LRP1B: variants seen among roughly 807,000 people sequenced by gnomAD.
LRP1B encodes LDL receptor related protein 1B, also known as low-density lipoprotein receptor-related protein 1B.
In LRP1B, 217 loss-of-function variants were observed where a neutral mutation model predicts 556.6. That is an observed-to-expected ratio of 0.39 (90% CI 0.35 to 0.44). The LOEUF is 0.44. Among genes scored for constraint, LRP1B ranks in the 20% least tolerant of loss-of-function variants. The probability of loss-of-function intolerance (pLI) is 1.00; values close to 1 mark genes in which losing one functional copy is unlikely to be tolerated. For missense variants in LRP1B, 5,053 were observed against 5,620.8 expected, an observed-to-expected ratio of 0.90 and a Z score of 3.23; for synonymous variants, 2,047 against 1,865.8, an observed-to-expected ratio of 1.10 and a Z score of -2.50.
chr2:140,359,679 T>A (rs1032888955), intron 72 of LRP1B, among the ~76,000 whole-genome samples: 1 of 151,608 alleles, frequency 6.6e-6, no homozygotes, highest in African/African-American at 2.4e-5. Flanking sequence ...ATTATTTGCT[T>A]AGTTATGTTT....
chr2:141,314,830 G>GTGTA (rs1444997102), intron 3 of LRP1B, among the ~76,000 whole-genome samples: 109 of 124,294 alleles, frequency 8.8e-4, no homozygotes, highest in South Asian at 5.0e-4. Context: ...ATATATATGT[G>GTGTA]TATATATATA....
intron 83 of LRP1B, among the ~76,000 whole-genome samples, chr2:140,304,975 G>C (rs1684004112): frequency 6.6e-6 from 1 of 152,072 alleles, no homozygotes; most frequent in African/African-American, 2.4e-5. Context: ...TAGATGTGTG[G>C]TATTATTTCT....
intron 29 of LRP1B, among the ~76,000 whole-genome samples, chr2:140,844,895 T>C (rs375508459): frequency 3.0e-4 from 45 of 152,268 alleles, no homozygotes; most frequent in African/African-American, 1.1e-3. Flanking sequence ...GGTGCAATTA[T>C]AGAGACAAAT....
intron 6 of LRP1B, among the ~76,000 whole-genome samples, chr2:141,216,078 C>T (rs1005932898): frequency 2.7e-4 from 41 of 152,102 alleles, no homozygotes; most frequent in African/African-American, 9.7e-4. Flanking sequence ...CATCACATGC[C>T]TAGAGACATA....
chr2:140,238,509 A>T (rs149185083), intron 88 of LRP1B, among the ~76,000 whole-genome samples: 1 of 150,962 alleles, frequency 6.6e-6, no homozygotes, highest in Admixed American at 6.6e-5. Context: ...AATACCTCCT[A>T]AATAGCCGAA....
In LRP1B at chr2:141,894,634, T is replaced by TC. The variant is rs1191628410; in HGVS notation, c.83-84234_83-84233insG. 2.5e-3 allele frequency among the ~76,000 whole-genome samples: 311 copies of TC among 123,002 alleles called. 2 individuals are homozygous for TC. Among genetic ancestry groups the TC allele is most frequent in the African/African-American group, 8.6e-3 (279 of 32,320 alleles). 80.7% of individuals were successfully genotyped at this position (123,002 alleles called of 152,430 possible). A position where few individuals can be genotyped will look rare whatever the true frequency, so the allele number is the denominator to read the frequency against. On this transcript the variant is annotated intron_variant, in intron 1 of 90. Transcript: ENST00000389484. Reference sequence around the variant, plus strand: ...ACAAGAGGATATTCTAAATAGAATATTTAGATCTAGATCTAGATCTAGATC... The same window carrying TC: ...ACAAGAGGATATTCTAAATAGAATATCTTAGATCTAGATCTAGATCTAGATC...
At chr2:141,513,988 C>G (rs1395699301) in intron 2 of LRP1B, among the ~76,000 whole-genome samples, 1 of 152,136 alleles carries the variant, frequency 6.6e-6, no homozygotes, top group Admixed American at 6.6e-5. Flanking sequence ...AACAGTCATA[C>G]CAGAAGCAGG....
chr2:141,880,810 C>T (rs2104893503), intron 1 of LRP1B, among the ~76,000 whole-genome samples: 1 of 152,170 alleles, frequency 6.6e-6, no homozygotes, highest in Middle Eastern at 3.4e-3. Context: ...AAAAGGTAAA[C>T]ATTCATGGTG....
At chr2:141,147,847 C>T (rs560249700) in intron 7 of LRP1B, among the ~76,000 whole-genome samples, 38 of 152,166 alleles carry the variant, frequency 2.5e-4, no homozygotes, top group African/African-American at 8.2e-4. Flanking sequence ...TTTATAATAC[C>T]GTATTTTTCC....
Position 141,000,241 on chromosome 2 carries a change from G to A in LRP1B, c.2503+5094C>T, listed in dbSNP as rs150277521. ...GCCAGACAGGGCCATTTCTAATAGA[G>A]TACAGTACCCAAGCAAATATCTCTG... On this transcript the variant is annotated intron_variant, in intron 15 of 90. Coordinates refer to ENST00000389484, the MANE Select transcript of LRP1B (RefSeq NM_018557.3). Among the ~76,000 whole-genome samples the A allele has an allele frequency of 1.0e-3, 156 of 152,058 alleles. 1 individual carries two copies. Among genetic ancestry groups the A allele is most frequent in the African/African-American group, 3.7e-3 (152 of 41,496 alleles).
intron 1 of LRP1B, among the ~76,000 whole-genome samples, chr2:141,915,476 T>A (rs1416264450): frequency 6.6e-6 from 1 of 152,036 alleles, no homozygotes; most frequent in Non-Finnish European, 1.5e-5. Flanking sequence ...ATGTAAGACC[T>A]CAAAGTAGAA....
chr2:140,730,219 T>C (rs1330756420), intron 35 of LRP1B, among the ~76,000 whole-genome samples: 1 of 152,206 alleles, frequency 6.6e-6, no homozygotes, highest in Non-Finnish European at 1.5e-5. Flanking sequence ...TTTAATTTTA[T>C]TTATCTCAAA....
chr2:141,392,514 G>A (rs957499873), intron 3 of LRP1B, among the ~76,000 whole-genome samples: 1 of 148,434 alleles, frequency 6.7e-6, no homozygotes, highest in Non-Finnish European at 1.5e-5. Context: ...CAGAATGCAT[G>A]GGGCAGGAAA....
chr2:140,684,172 A>G (rs1685966097), intron 41 of LRP1B, among the ~76,000 whole-genome samples: 1 of 152,232 alleles, frequency 6.6e-6, no homozygotes, highest in Non-Finnish European at 1.5e-5. Flanking sequence ...TATTTAATCA[A>G]TTACTGAATA....
At chr2:140,756,563 ATAATT>A (rs1252350621) in intron 35 of LRP1B, among the ~76,000 whole-genome samples, 2 of 152,154 alleles carry the variant, frequency 1.3e-5, no homozygotes, top group Admixed American at 6.5e-5. Flanking sequence ...ATTTGCCAAG[ATAATT>A]TAATAGTGGA....
At chr2:140,584,874 G>T (rs1274466008) in intron 43 of LRP1B, among the ~76,000 whole-genome samples, 1 of 138,324 alleles carries the variant, frequency 7.2e-6, no homozygotes, top group Non-Finnish European at 1.6e-5. Context: ...TTTGATTTTG[G>T]CCTTTTCTTT....
chr2:141,331,874 A>G (rs1057401197), intron 3 of LRP1B, among the ~76,000 whole-genome samples: 3 of 152,164 alleles, frequency 2.0e-5, no homozygotes, highest in Non-Finnish European at 4.4e-5. Flanking sequence ...CAGACTAATT[A>G]CCCTTGTTCT....
intron 1 of LRP1B, among the ~76,000 whole-genome samples, chr2:141,905,551 G>A (rs989743783): frequency 5.3e-5 from 8 of 151,388 alleles, no homozygotes; most frequent in South Asian, 2.1e-4. Context: ...TCTAACAAAC[G>A]GAGAAATTGG....
At chr2:140,448,108 T>C (rs537514076) in intron 63 of LRP1B, among the ~76,000 whole-genome samples, 28 of 152,148 alleles carry the variant, frequency 1.8e-4, no homozygotes, top group African/African-American at 6.5e-4. Context: ...ATTACCACAT[T>C]GTGAAAGAGA....
Sources: gnomAD v4.1 joint callset for allele counts (sites outside exome capture counted in the v4.1 genomes callset) on GRCh38, gnomAD v4.1.1 for gene constraint, MANE v1.5 for transcripts, NCBI Gene and HGNC (gene_info 2026-07-23, HGNC 2026-07-21) for gene names.